The following CLEC4E variants were observed in gnomAD, a reference collection of about 807,000 sequenced individuals.
The protein encoded by CLEC4E is C-type (calcium dependent, carbohydrate-recognition domain) lectin, superfamily member 9.
CLEC4E carries 21 observed loss-of-function variants against 24.7 expected under a neutral mutation model. That is an observed-to-expected ratio of 0.85 (90% CI 0.60 to 1.22). The LOEUF (loss-of-function observed/expected upper bound fraction) is 1.22. CLEC4E is among the 50% of genes most tolerant of loss of function. The pLI, the probability that CLEC4E is intolerant of heterozygous loss-of-function variation, is 0.00. For synonymous variants in CLEC4E, 94 were observed against 85.7 expected, an observed-to-expected ratio of 1.10 and a Z score of -0.54; for missense variants, 249 against 254.1, an observed-to-expected ratio of 0.98 and a Z score of 0.14.
At chr12:8,539,782 C>A in intron 2 of CLEC4E, 73 bp downstream of exon 2, 1 of 935,906 alleles carries the variant, frequency 1.1e-6, no homozygotes, top group Non-Finnish European at 1.8e-6. Context: ...AGAGAGTCTA[C>A]AGGCAGCATG....
chr12:8,540,065 A>C, intron 1 of CLEC4E, 118 bp from the exon 2 acceptor site: 1 of 702,088 alleles, frequency 1.4e-6, no homozygotes, highest in Non-Finnish European at 2.5e-6. Flanking sequence ...TGTACTGAGT[A>C]ATTCCCAAAT....
rs941556992 is a variant in CLEC4E, at chr12:8,540,080, G to C, written c.38-133C>G. 8 of 657,634 alleles carry C rather than the reference G, an allele frequency of 1.2e-5. No homozygotes were observed. In the African/African-American group the frequency reaches 1.4e-4, roughly 12 times the overall value. 40.7% of individuals were successfully genotyped at this position (657,634 alleles called of 1,614,324 possible). ...TGTACTGAGTAATTCCCAAATTTCA[G>C]CATGCTTCAGAATCACTTGGAGGGT... On this transcript the variant is annotated intron_variant, in intron 1 of 5. Transcript: ENST00000299663.
At chr12:8,540,319 C>T (rs1315439210) in intron 1 of CLEC4E, among the ~76,000 whole-genome samples, 1 of 151,874 alleles carries the variant, frequency 6.6e-6, no homozygotes, top group African/African-American at 2.4e-5. Context: ...TTTCTAAGGC[C>T]CCCCTTCTTT....
At position 8,536,630 on chromosome 12, in the gene CLEC4E, A is replaced by AT. The variant is rs200839687; in HGVS notation, c.373-426dup. Reference sequence around the variant, plus strand: ...GTAAGATCATGAGGATTATCTACTGATTTTTTTTTGTGGTAAAATATACAT... The same window carrying AT: ...GTAAGATCATGAGGATTATCTACTGATTTTTTTTTTGTGGTAAAATATACAT... On this transcript the variant is annotated intron_variant, in intron 4 of 5. Coordinates refer to ENST00000299663, the MANE Select transcript of CLEC4E (RefSeq NM_014358.4). 6.8e-3 allele frequency among the ~76,000 whole-genome samples: 1,030 copies of AT among 151,640 alleles called. 13 individuals carry two copies. The highest frequency in any genetic ancestry group is 0.023 in the African/African-American group (959 of 41,376).
At chr12:8,538,958 T>G (rs1022964482) in intron 3 of CLEC4E, 8 of 412,322 alleles carry the variant, frequency 1.9e-5, no homozygotes, top group Admixed American at 4.3e-5. Flanking sequence ...AAAAAAAAGG[T>G]ACACTCCTGG....
At chr12:8,538,408 C>T (rs181981476) in intron 3 of CLEC4E, among the ~76,000 whole-genome samples, 25 of 152,350 alleles carry the variant, frequency 1.6e-4, no homozygotes, top group African/African-American at 6.0e-4. Flanking sequence ...TCTGCCTCGG[C>T]TGCCAGGCAG....
intron 2 of CLEC4E, 39 bp downstream of exon 2, chr12:8,539,816 C>A: frequency 7.7e-7 from 1 of 1,290,834 alleles, no homozygotes; most frequent in South Asian, 1.2e-5. Context: ...CTAATATGCA[C>A]CAGGAAGAAT....
intron 2 of CLEC4E, 129 bp from the exon 3 acceptor site, chr12:8,539,435 G>C: frequency 3.0e-6 from 2 of 662,866 alleles, no homozygotes; most frequent in Non-Finnish European, 5.3e-6. Flanking sequence ...TTTTTCTTAC[G>C]ACCCAGAGAA....
At position 8,536,130 on chromosome 12, in the gene CLEC4E, A is replaced by G. The variant is rs748831458; in HGVS notation, c.448T>C (p.Trp150Arg). The G allele has an allele frequency of 4.2e-5, 67 of 1,613,510 alleles. No individual in the cohort carries two copies. The Admixed American group carries it at 1.1e-3, about 26-fold the overall frequency. The part of the protein sequence containing the change: ...GLSDQVVEGQ[W>R]QWVDGTPLTK... ...AAAGGTGTGCCGTCCACCCATTGCCACTGACCCTCGACAACCTGGTCTGAC... is the reference window on the plus strand; with the variant it reads ...AAAGGTGTGCCGTCCACCCATTGCCGCTGACCCTCGACAACCTGGTCTGAC... Residue 150 changes from tryptophan (W) to arginine (R), a missense_variant, in exon 5 of 6, where the codon TGG (tryptophan) becomes CGG (arginine). Coordinates refer to ENST00000299663, the MANE Select transcript of CLEC4E (RefSeq NM_014358.4).
At chr12:8,538,435 C>T (rs1022205413) in intron 3 of CLEC4E, among the ~76,000 whole-genome samples, 2 of 152,222 alleles carry the variant, frequency 1.3e-5, no homozygotes, top group African/African-American at 4.8e-5. Context: ...TCCCCCTGTC[C>T]AGTGGACACG....
chr12:8,540,731 T>C (rs1323112839), intron 1 of CLEC4E, 30 bp downstream of exon 1: 4 of 1,582,722 alleles, frequency 2.5e-6, no homozygotes, highest in East Asian at 2.2e-5. Flanking sequence ...AAGAGATCTA[T>C]GGAAGGAAAG....
At chr12:8,537,820 C>A (rs772143556) in intron 3 of CLEC4E, among the ~76,000 whole-genome samples, 26 of 152,318 alleles carry the variant, frequency 1.7e-4, no homozygotes, top group African/African-American at 6.0e-4. Context: ...TATCATTAAT[C>A]ATTAGTTTGT....
At chr12:8,535,616 G>A (rs1460884555) in intron 5 of CLEC4E, among the ~76,000 whole-genome samples, 1 of 152,012 alleles carries the variant, frequency 6.6e-6, no homozygotes, top group East Asian at 1.9e-4. Context: ...AACAAATCAT[G>A]AGAATCAACA....
intron 3 of CLEC4E, 57 bp from the exon 4 acceptor site, chr12:8,537,323 A>G (rs990045894): frequency 1.9e-6 from 3 of 1,545,962 alleles, no homozygotes; most frequent in South Asian, 2.4e-5. Context: ...GAAAACCCAA[A>G]GCTTCATCTG....
At chr12:8,536,269 T>C (rs1434699303) in intron 4 of CLEC4E, 64 bp from the exon 5 acceptor site, 1 of 949,430 alleles carries the variant, frequency 1.1e-6, no homozygotes, top group Non-Finnish European at 1.7e-6. Context: ...TTGCTAGTAA[T>C]TATTATTCAA....
At chr12:8,537,743 A>G (rs1269975044) in intron 3 of CLEC4E, among the ~76,000 whole-genome samples, 1 of 152,270 alleles carries the variant, frequency 6.6e-6, no homozygotes, top group Non-Finnish European at 1.5e-5. Flanking sequence ...GAGCTGTTCC[A>G]GTATAATAAA....
Position 8,534,639 on chromosome 12 carries a change from T to C in CLEC4E, c.659A>G (p.Ter220=), listed in dbSNP as rs202073795. The C allele has an allele frequency of 5.0e-6, 8 of 1,612,418 alleles. No individual in the cohort carries two copies. In the East Asian group the frequency reaches 1.6e-4, roughly 31 times the overall value. The part of the protein sequence containing the change: ...INPLNKGKSL[*] The stretch of plus-strand genomic sequence containing the variant: ...ACATTTGAGTTGTGCCTTCTGTTCT[T>C]AAAGAGATTTTCCTTTGTTCAAAGG... Residue 220 remains the stop codon, a stop_retained_variant, in exon 6 of 6, where the codon TAA becomes TGA. Coordinates refer to ENST00000299663, the MANE Select transcript of CLEC4E (RefSeq NM_014358.4).
chr12:8,536,091 T>C lies in CLEC4E; in HGVS notation c.487A>G (p.Ser163Gly). Reference protein sequence around the residue: ...VDGTPLTKSLSFWDVGEPNNI... With the variant: ...VDGTPLTKSLGFWDVGEPNNI... ...TCCTCTCAATAGGAGGGTAATTACC[T>C]CAGAGACTTTGTCAAAGGTGTGCCG... The change falls in exon 5 of 6, where the codon AGC (serine) becomes GGC (glycine). Residue 163 changes from serine (S) to glycine (G), a missense_variant and splice_region_variant. Transcript: ENST00000299663. 1 of 1,599,568 alleles carries C rather than the reference T, an allele frequency of 6.3e-7. No individual in the cohort carries two copies. The highest frequency in any genetic ancestry group is 8.6e-7 in the Non-Finnish European group (1 of 1,167,314).
At chr12:8,538,096 C>A (rs1346703010) in intron 3 of CLEC4E, among the ~76,000 whole-genome samples, 3 of 152,220 alleles carry the variant, frequency 2.0e-5, no homozygotes, top group Non-Finnish European at 2.9e-5. Flanking sequence ...AAAACACCCG[C>A]TACTTAGCAG....
Sources: allele counts gnomAD v4.1 joint callset (sites outside exome capture counted in the v4.1 genomes callset), GRCh38; gene constraint gnomAD v4.1.1; transcripts MANE v1.5; gene names NCBI Gene and HGNC (gene_info 2026-07-23, HGNC 2026-07-21).